PARD3: variants seen among roughly 807,000 people sequenced by gnomAD.
PARD3 encodes the protein partitioning defective 3 homolog.
PARD3 carries 75 observed loss-of-function variants against 155.4 expected under a neutral mutation model. The ratio of observed to expected loss-of-function variants is 0.48; its 90% CI spans 0.40 to 0.58. The LOEUF is 0.58. Ranked by LOEUF, PARD3 falls within the 20% of genes least tolerant of loss-of-function variation. PARD3 has a pLI of 0.00. For synonymous variants in PARD3, 576 were observed against 610.5 expected (o/e 0.94, Z 0.83); for missense variants, 1,642 against 1,721.7 (o/e 0.95, Z 0.82).
intron 1 of PARD3, among the ~76,000 whole-genome samples, chr10:34,811,524 C>T (rs1353163344): frequency 6.6e-6 from 1 of 152,156 alleles, no homozygotes; most frequent in Non-Finnish European, 1.5e-5. Flanking sequence ...CAGTTCAAAT[C>T]CTAGTGACTA....
At chr10:34,732,627 G>T (rs1351831374) in intron 1 of PARD3, among the ~76,000 whole-genome samples, 1 of 152,168 alleles carries the variant, frequency 6.6e-6, no homozygotes, top group African/African-American at 2.4e-5. Context: ...GAACCCAGGA[G>T]TTTGGGGCTA....
chr10:34,279,759 G>C (rs1956073503), intron 21 of PARD3, among the ~76,000 whole-genome samples: 1 of 152,104 alleles, frequency 6.6e-6, no homozygotes, highest in Non-Finnish European at 1.5e-5. Context: ...AGAATGGGGA[G>C]TATCCCACTG....
intron 2 of PARD3, among the ~76,000 whole-genome samples, chr10:34,633,068 T>A (rs1165966860): frequency 6.6e-6 from 1 of 152,254 alleles, no homozygotes; most frequent in Non-Finnish European, 1.5e-5. Context: ...TGACAAGTTA[T>A]CATTGAGGTA....
intron 21 of PARD3, among the ~76,000 whole-genome samples, chr10:34,276,709 A>G (rs1444203255): frequency 2.6e-5 from 4 of 152,020 alleles, no homozygotes; most frequent in Non-Finnish European, 4.4e-5. Flanking sequence ...GTGTCCTTAA[A>G]CCTCTCAGTT....
intron 2 of PARD3, among the ~76,000 whole-genome samples, chr10:34,587,473 C>T (rs1382246319): frequency 6.6e-6 from 1 of 152,074 alleles, no homozygotes; most frequent in Non-Finnish European, 1.5e-5. Context: ...ATGAATGTTG[C>T]TCCCAGAGTT....
chr10:34,604,745 T>C (rs1228373023), intron 2 of PARD3, among the ~76,000 whole-genome samples: 1 of 151,626 alleles, frequency 6.6e-6, no homozygotes, highest in Non-Finnish European at 1.5e-5. Context: ...AACAAAGATA[T>C]TGACAAATCT....
intron 22 of PARD3, among the ~76,000 whole-genome samples, chr10:34,176,459 G>T (rs2133159230): frequency 6.6e-6 from 1 of 152,322 alleles, no homozygotes; most frequent in African/African-American, 2.4e-5. Flanking sequence ...TTGAGAGACA[G>T]CCTCAATTAG....
In PARD3 at chr10:34,458,248, G is replaced by A. The variant is rs1322851642; in HGVS notation, c.583-7800C>T. Among the ~76,000 whole-genome samples the A allele has an allele frequency of 2.6e-5, 4 of 151,966 alleles. No individual in the cohort carries two copies. In the East Asian group the frequency reaches 7.7e-4, roughly 29 times the overall value. On this transcript the variant is annotated intron_variant, in intron 4 of 24. Transcript: ENST00000374788. ...GACAGGGTCTCACTCTGTCACCCAG[G>A]CTGGAGTGCAGAAGCACAATCATAG...
intron 22 of PARD3, among the ~76,000 whole-genome samples, chr10:34,181,401 T>G (rs920141298): frequency 6.6e-6 from 1 of 152,196 alleles, no homozygotes; most frequent in African/African-American, 2.4e-5. Flanking sequence ...GTTTGCAAGT[T>G]GAAAAGCATT....
chr10:34,776,528 G>A (rs1433021644), intron 1 of PARD3, among the ~76,000 whole-genome samples: 1 of 151,446 alleles, frequency 6.6e-6, no homozygotes, highest in East Asian at 1.9e-4. Context: ...GACAAATCCA[G>A]AATTAGCTGA....
chr10:34,420,418 T>A (rs1043611569), intron 5 of PARD3, among the ~76,000 whole-genome samples: 1 of 152,178 alleles, frequency 6.6e-6, no homozygotes, highest in Non-Finnish European at 1.5e-5. Flanking sequence ...AGTTTATACA[T>A]AGGAGACAGA....
intron 2 of PARD3, among the ~76,000 whole-genome samples, chr10:34,626,335 T>C (rs1590290065): frequency 6.6e-6 from 1 of 152,172 alleles, no homozygotes; most frequent in African/African-American, 2.4e-5. Flanking sequence ...CCTGTGTGTG[T>C]ACACTTTCTC....
chr10:34,303,824 G>A (rs145104905), intron 20 of PARD3, among the ~76,000 whole-genome samples: 269 of 152,280 alleles, frequency 1.8e-3, no homozygotes, highest in African/African-American at 5.3e-3. Flanking sequence ...CTGAGGTGGA[G>A]AGGAAGACAA....
intron 5 of PARD3, among the ~76,000 whole-genome samples, chr10:34,438,540 A>G (rs929580077): frequency 4.1e-4 from 63 of 152,280 alleles, no homozygotes; most frequent in African/African-American, 1.4e-3. Context: ...TAGTTCACCC[A>G]ACAAAGATCC....
At chr10:34,768,436 G>C (rs1275302523) in intron 1 of PARD3, among the ~76,000 whole-genome samples, 1 of 152,158 alleles carries the variant, frequency 6.6e-6, no homozygotes, top group Non-Finnish European at 1.5e-5. Context: ...GTTGGGAAGG[G>C]GCTTCCAGGT....
intron 5 of PARD3, among the ~76,000 whole-genome samples, chr10:34,409,229 G>A (rs1844804022): frequency 6.6e-6 from 1 of 152,054 alleles, no homozygotes; most frequent in Admixed American, 6.6e-5. Flanking sequence ...GCTGATTTAT[G>A]AAAGCTATCT....
chr10:34,430,329 A>G (rs2075838436), intron 5 of PARD3, among the ~76,000 whole-genome samples: 1 of 152,242 alleles, frequency 6.6e-6, no homozygotes, highest in South Asian at 2.1e-4. Flanking sequence ...AACCTAGAAT[A>G]TCTTAGAATA....
chr10:34,506,255 A>G lies in PARD3; in HGVS notation c.403+10724T>C, dbSNP rs115852033. 8.7e-3 allele frequency among the ~76,000 whole-genome samples: 1,322 copies of G among 152,342 alleles called. 11 individuals carry two copies. The highest frequency in any genetic ancestry group is 0.025 in the African/African-American group (1,050 of 41,572). ...AGATCTTGAGGGGTAATAAGTACTC[A>G]TACATTTTCAGCAATACCTCTGCTT... On this transcript the variant is annotated intron_variant, in intron 3 of 24. Transcript: ENST00000374788.
At chr10:34,129,919 C>G (rs927303407) in intron 23 of PARD3, among the ~76,000 whole-genome samples, 7 of 151,278 alleles carry the variant, frequency 4.6e-5, no homozygotes, top group Non-Finnish European at 1.0e-4. Context: ...ATGCTCCTGC[C>G]TTGGCCTCCC....
Sources: allele counts gnomAD v4.1 joint callset (sites outside exome capture counted in the v4.1 genomes callset), GRCh38; gene constraint gnomAD v4.1.1; transcripts MANE v1.5; gene names NCBI Gene and HGNC (gene_info 2026-07-23, HGNC 2026-07-21).